Variants in ARHGEF10 observed in about 807,000 individuals in gnomAD.
The protein encoded by ARHGEF10 is Rho guanine nucleotide exchange factor (GEF) 10.
In ARHGEF10, 140 loss-of-function variants were observed where a neutral mutation model predicts 147.4. That is an observed-to-expected ratio of 0.95 (90% CI 0.83 to 1.09). The LOEUF (loss-of-function observed/expected upper bound fraction) is 1.09. ARHGEF10 is among the 50% of genes least tolerant of loss of function. The pLI is 0.00. For synonymous variants in ARHGEF10, 902 were observed against 695.8 expected (o/e 1.30, Z -4.67); for missense variants, 2,222 against 1,752.7 (o/e 1.27, Z -4.78).
intron 13 of ARHGEF10, among the ~76,000 whole-genome samples, chr8:1,894,798 G>A (rs1000313668): frequency 1.3e-5 from 2 of 152,222 alleles, no homozygotes; most frequent in African/African-American, 2.4e-5. Flanking sequence ...GCAGACACTG[G>A]ACAGAAGCTG....
chr8:1,825,279 C>T (rs200904246), intron 1 of ARHGEF10, among the ~76,000 whole-genome samples: 6 of 4,410 alleles, frequency 1.4e-3, no homozygotes, highest in East Asian at 5.8e-3. Context: ...CACCTGTCCC[C>T]CCGCACCCCA....
intron 26 of ARHGEF10, among the ~76,000 whole-genome samples, chr8:1,944,565 C>G (rs1814404995): frequency 6.6e-6 from 1 of 152,242 alleles, no homozygotes; most frequent in Non-Finnish European, 1.5e-5. Context: ...CGTCTTTTCC[C>G]TTATTCTCAG....
chr8:1,876,549 A>G (rs1174183622), intron 7 of ARHGEF10, 22 bp from the exon 8 acceptor site: 1 of 1,613,186 alleles, frequency 6.2e-7, no homozygotes, highest in Non-Finnish European at 8.5e-7. Flanking sequence ...TTTTAATTTC[A>G]TTTTGGAATT....
At chr8:1,866,645 C>G in intron 6 of ARHGEF10, 43 bp downstream of exon 6, 1 of 1,574,808 alleles carries the variant, frequency 6.3e-7, no homozygotes, top group African/African-American at 1.3e-5. Context: ...TCACCACGCT[C>G]CACAGACGTC....
At chr8:1,863,236 G>T (rs1232444179) in intron 4 of ARHGEF10, among the ~76,000 whole-genome samples, 1 of 152,114 alleles carries the variant, frequency 6.6e-6, no homozygotes, top group Non-Finnish European at 1.5e-5. Flanking sequence ...GATGCATGTG[G>T]GATTTGCAGC....
At chr8:1,945,823 G>T in intron 27 of ARHGEF10, 168 bp downstream of exon 27, 2 of 1,075,670 alleles carry the variant, frequency 1.9e-6, no homozygotes, top group South Asian at 1.3e-5. Context: ...TGGGAGTACG[G>T]AGCATGGTCA....
intron 2 of ARHGEF10, among the ~76,000 whole-genome samples, chr8:1,856,414 C>G (rs902526566): frequency 6.6e-6 from 1 of 152,192 alleles, no homozygotes; most frequent in African/African-American, 2.4e-5. Context: ...GCCTGGGCCC[C>G]TCTGTGTATT....
In ARHGEF10 at chr8:1,830,713, G is replaced by A. The variant is rs543488612; in HGVS notation, c.-48+6600G>A. Among the ~76,000 whole-genome samples, 5 of 152,350 alleles carry A rather than the reference G, an allele frequency of 3.3e-5. No individual in the cohort carries two copies. In the East Asian group the frequency reaches 9.7e-4, roughly 29 times the overall value. On this transcript the variant is annotated intron_variant, in intron 1 of 28. Coordinates refer to ENST00000349830, the MANE Select transcript of ARHGEF10 (RefSeq NM_014629.4). ...GTCTTCAGGAAAGATGATTTAAGAA[G>A]TAAAGTAATATGATGAAAAGCTGCG...
rs200282259 is a variant in ARHGEF10 at position 1,843,360 on chromosome 8, T to A, written c.-40T>A. ...TGTCTCTCCTTCTTGCAGGAGCTCC[T>A]TCCCTTAACAGAGCTGAGAGAGGCA... On this transcript the variant is annotated 5_prime_UTR_variant, in exon 2 of 29. Transcript: ENST00000349830. 1 of 1,611,804 alleles carries A rather than the reference T, an allele frequency of 6.2e-7. No individual in the cohort carries two copies. The highest frequency in any genetic ancestry group is 1.3e-5 in the African/African-American group (1 of 75,022).
intron 27 of ARHGEF10, among the ~76,000 whole-genome samples, chr8:1,950,323 C>T (rs575656280): frequency 2.6e-5 from 4 of 152,150 alleles, no homozygotes; most frequent in Non-Finnish European, 4.4e-5. Context: ...CCTCTGGAAT[C>T]GGAAAATGAC....
At chr8:1,921,563 AC>A in intron 18 of ARHGEF10, among the ~76,000 whole-genome samples, 1 of 151,912 alleles carries the variant, frequency 6.6e-6, no homozygotes, top group East Asian at 1.9e-4. Context: ...CCTCTACTAA[AC>A]CTCTACTAAA....
chr8:1,858,227 A>G lies in ARHGEF10; in HGVS notation c.193+112A>G, dbSNP rs1359203167. 117 of 694,982 alleles carry G rather than the reference A, an allele frequency of 1.7e-4. 1 individual carries two copies. Among genetic ancestry groups the G allele is most frequent in the South Asian group, 4.5e-4 (11 of 24,714 alleles). The allele number at this position is 694,982 out of a possible 1,614,324, so 43.1% of individuals were successfully genotyped here. Reference sequence around the variant, plus strand: ...GAGTTCCCAGGTGAGTCCCCAGGTGAGTCCCCAGGTGGGTCCCCAGGTGAG... The same window carrying G: ...GAGTTCCCAGGTGAGTCCCCAGGTGGGTCCCCAGGTGGGTCCCCAGGTGAG... On this transcript the variant is annotated intron_variant, in intron 3 of 28. Coordinates refer to ENST00000349830, the MANE Select transcript of ARHGEF10 (RefSeq NM_014629.4).
chr8:1,925,583 A>T (rs542478468), intron 22 of ARHGEF10, among the ~76,000 whole-genome samples, 179 bp downstream of exon 22: 1 of 152,298 alleles, frequency 6.6e-6, no homozygotes, highest in African/African-American at 2.4e-5. Flanking sequence ...TTGAAACCTA[A>T]AAAAACGCCC....
intron 1 of ARHGEF10, among the ~76,000 whole-genome samples, chr8:1,824,370 C>A (rs1350391054): frequency 6.6e-6 from 1 of 151,980 alleles, no homozygotes; most frequent in Non-Finnish European, 1.5e-5. Flanking sequence ...CAGCAGGGAC[C>A]CCTGGCCCCA....
At position 1,867,032 on chromosome 8, in the gene ARHGEF10, T is replaced by G. The variant is rs549151743; in HGVS notation, c.622+430T>G. ...TGGGCCTCCCTTTTTTTTTTTTTTT[T>G]GTCCCATACACACTTTATTTTACAT... On this transcript the variant is annotated intron_variant, in intron 6 of 28. Coordinates refer to ENST00000349830, the MANE Select transcript of ARHGEF10 (RefSeq NM_014629.4). Among the ~76,000 whole-genome samples, 246 of 151,004 alleles carry G rather than the reference T, an allele frequency of 1.6e-3. 3 individuals carry two copies. The highest frequency in any genetic ancestry group is 5.8e-4 in the East Asian group (3 of 5,168).
intron 8 of ARHGEF10, 30 bp downstream of exon 8, chr8:1,876,764 G>C: frequency 6.2e-7 from 1 of 1,609,382 alleles, no homozygotes; most frequent in South Asian, 1.1e-5. Flanking sequence ...GTGAGGGATG[G>C]TTCTCTCGCG....
intron 26 of ARHGEF10, among the ~76,000 whole-genome samples, 176 bp from the exon 27 acceptor site, chr8:1,945,305 T>C (rs1426664001): frequency 2.0e-5 from 3 of 152,124 alleles, no homozygotes; most frequent in African/African-American, 7.2e-5. Flanking sequence ...GATTGGAAAA[T>C]GGCAGGCAGT....
At chr8:1,834,901 A>G (rs920386071) in intron 1 of ARHGEF10, among the ~76,000 whole-genome samples, 2 of 152,214 alleles carry the variant, frequency 1.3e-5, no homozygotes, top group Non-Finnish European at 2.9e-5. Context: ...GACACCGGCC[A>G]CCCAGCAGCC....
chr8:1,923,418 G>A lies in ARHGEF10; in HGVS notation c.2260-50G>A, dbSNP rs776856919. On this transcript the variant is annotated intron_variant, in intron 19 of 28. Transcript: ENST00000349830. ...GTGTCTTTTTATCTTCCTTGGGATGGCCCTAGTTTTTAAACACTTTTGAAA... is the reference window on the plus strand; with the variant it reads ...GTGTCTTTTTATCTTCCTTGGGATGACCCTAGTTTTTAAACACTTTTGAAA... 3.7e-6 allele frequency: 6 copies of A among 1,612,892 alleles called. No individual in the cohort carries two copies. The East Asian group carries it at 1.3e-4, about 36-fold the overall frequency.
Sources: gnomAD v4.1 joint callset for allele counts (sites outside exome capture counted in the v4.1 genomes callset) on GRCh38, gnomAD v4.1.1 for gene constraint, MANE v1.5 for transcripts, NCBI Gene and HGNC (gene_info 2026-07-23, HGNC 2026-07-21) for gene names.